Variants in LMBR1 observed in about 807,000 individuals in gnomAD.
LMBR1 encodes the protein limb development membrane protein 1.
Under a neutral mutation model 73.9 loss-of-function variants are expected in LMBR1, and 52 were observed. The observed-to-expected ratio is 0.70, with a 90% CI of 0.56 to 0.89. The LOEUF is 0.89. Ranked by LOEUF, LMBR1 falls within the 40% of genes least tolerant of loss-of-function variation. The pLI is 0.00. For synonymous variants in LMBR1, 215 were observed against 209.4 expected (o/e 1.03, Z -0.23); for missense variants, 539 against 579.8 (o/e 0.93, Z 0.72).
intron 4 of LMBR1, among the ~76,000 whole-genome samples, chr7:156,671,327 A>AGT (rs1316181124): frequency 6.6e-6 from 1 of 152,086 alleles, no homozygotes; most frequent in Admixed American, 6.6e-5. Context: ...AAACGCGAAC[A>AGT]GTGTGTGTGT....
At chr7:156,885,779 G>A (rs1159219611) in intron 1 of LMBR1, among the ~76,000 whole-genome samples, 1 of 152,156 alleles carries the variant, frequency 6.6e-6, no homozygotes, top group Non-Finnish European at 1.5e-5. Flanking sequence ...CTGGGAGGCT[G>A]AGGCAGGAGA....
At position 156,700,335 on chromosome 7, in the gene LMBR1, C is replaced by T. The variant is rs376369105; in HGVS notation, c.1226-12144G>A. ...CATGTTCTCACTCATAGGTGGGAAT[C>T]GAACAATGAGAACACATGGACACAG... On this transcript the variant is annotated intron_variant, in intron 15 of 16. Coordinates refer to ENST00000353442, the MANE Select transcript of LMBR1 (RefSeq NM_022458.4). 4.6e-5 allele frequency among the ~76,000 whole-genome samples: 7 copies of T among 151,850 alleles called. No individual in the cohort carries two copies. In the East Asian group the frequency reaches 7.8e-4, roughly 17 times the overall value.
rs1049562135 is a variant in LMBR1, at chr7:156,818,681, C to T, written c.319+7924G>A. On this transcript the variant is annotated intron_variant, in intron 4 of 16. Transcript: ENST00000353442. ...TGCAACCACCACCTTTACCTAACTC[C>T]GAAACATTTTTATCACCCCCAAAAG... 2.0e-5 allele frequency among the ~76,000 whole-genome samples: 3 copies of T among 152,064 alleles called. No individual in the cohort carries two copies. In the East Asian group the frequency reaches 5.8e-4, roughly 29 times the overall value.
intron 1 of LMBR1, among the ~76,000 whole-genome samples, chr7:156,848,062 C>G (rs79635933): frequency 6.8e-6 from 1 of 147,976 alleles, no homozygotes; most frequent in Non-Finnish European, 1.5e-5. Flanking sequence ...TCATTCAACA[C>G]TAAAAAAAAA....
intron 15 of LMBR1, among the ~76,000 whole-genome samples, chr7:156,710,315 A>G (rs1334220221): frequency 1.3e-5 from 2 of 152,224 alleles, no homozygotes; most frequent in Non-Finnish European, 2.9e-5. Context: ...AGAGAAATAG[A>G]TATCATAAAG....
intron 1 of LMBR1, among the ~76,000 whole-genome samples, chr7:156,857,101 AACC>A (rs1366892667): frequency 1.3e-5 from 2 of 152,174 alleles, no homozygotes; most frequent in African/African-American, 4.8e-5. Context: ...AGACCAAAAA[AACC>A]ACCAAGAACA....
intron 15 of LMBR1, among the ~76,000 whole-genome samples, chr7:156,707,947 C>A (rs1453899443): frequency 1.3e-5 from 2 of 151,596 alleles, no homozygotes; most frequent in African/African-American, 4.8e-5. Context: ...CTAATGGATC[C>A]CCCCACAAAA....
intron 15 of LMBR1, among the ~76,000 whole-genome samples, chr7:156,721,935 G>A (rs368948957): frequency 1.3e-5 from 2 of 151,996 alleles, no homozygotes; most frequent in African/African-American, 4.8e-5. Context: ...AGCCTGCGAT[G>A]CATCAACAAT....
At chr7:156,830,447 C>T in intron 3 of LMBR1, among the ~76,000 whole-genome samples, 1 of 152,082 alleles carries the variant, frequency 6.6e-6, no homozygotes, top group East Asian at 1.9e-4. Context: ...GGAAACAAGA[C>T]TTTATCATAG....
intron 5 of LMBR1, among the ~76,000 whole-genome samples, chr7:156,792,947 C>T (rs949343122): frequency 6.6e-6 from 1 of 151,984 alleles, no homozygotes; most frequent in African/African-American, 2.4e-5. Context: ...TTTACTTAAC[C>T]ATATTACAAG....
chr7:156,743,817 G>A (rs1411485264), intron 9 of LMBR1, among the ~76,000 whole-genome samples: 1 of 152,108 alleles, frequency 6.6e-6, no homozygotes, highest in Non-Finnish European at 1.5e-5. Context: ...ATGCTTTTCT[G>A]AGTAACTTAC....
chr7:156,743,502 G>C (rs571112599), intron 9 of LMBR1, among the ~76,000 whole-genome samples: 7 of 152,148 alleles, frequency 4.6e-5, no homozygotes, highest in African/African-American at 1.4e-4. Flanking sequence ...TTTAGACACA[G>C]AGCAAACTTC....
rs150942524 is a variant in LMBR1, at chr7:156,848,152, T to C, written c.67-11267A>G. Among the ~76,000 whole-genome samples the C allele has an allele frequency of 6.0e-3, 909 of 150,974 alleles. 6 individuals carry two copies. The highest frequency in any genetic ancestry group is 0.019 in the South Asian group (92 of 4,798). ...CTGGAAGAAAACCTAGGAAATACCATTCTGGACACAGGCCCTGACAAAGAC... is the reference window on the plus strand; with the variant it reads ...CTGGAAGAAAACCTAGGAAATACCACTCTGGACACAGGCCCTGACAAAGAC... On this transcript the variant is annotated intron_variant, in intron 1 of 16. Transcript: ENST00000353442.
At chr7:156,888,680 G>C (rs977927122) in intron 1 of LMBR1, among the ~76,000 whole-genome samples, 3 of 152,186 alleles carry the variant, frequency 2.0e-5, no homozygotes, top group Non-Finnish European at 4.4e-5. Flanking sequence ...CACTTTGGGA[G>C]GCCAGGGTGG....
intron 5 of LMBR1, among the ~76,000 whole-genome samples, chr7:156,770,870 C>T (rs781104322): frequency 8.6e-5 from 13 of 152,014 alleles, no homozygotes; most frequent in Non-Finnish European, 7.4e-5. Flanking sequence ...GCTATGATCG[C>T]GCTAGTGCAC....
At chr7:156,885,055 G>T (rs1801661414) in intron 1 of LMBR1, among the ~76,000 whole-genome samples, 2 of 152,166 alleles carry the variant, frequency 1.3e-5, no homozygotes, top group Non-Finnish European at 2.9e-5. Context: ...TCTCTGTTGT[G>T]TAAGTCCCAG....
intron 4 of LMBR1, among the ~76,000 whole-genome samples, chr7:156,814,551 T>C (rs1833607107): frequency 6.6e-6 from 1 of 152,234 alleles, no homozygotes; most frequent in South Asian, 2.1e-4. Context: ...ATATTGAATA[T>C]ATTAGATCTA....
intron 1 of LMBR1, 66 bp from the exon 2 acceptor site, chr7:156,836,951 A>G (rs1363692290): frequency 2.3e-5 from 22 of 944,358 alleles, no homozygotes; most frequent in Non-Finnish European, 3.2e-5. Context: ...ACTAGAAGAT[A>G]TATCTGTGAT....
At chr7:156,892,133 C>A (rs767296030) in intron 1 of LMBR1, among the ~76,000 whole-genome samples, 10 of 152,340 alleles carry the variant, frequency 6.6e-5, no homozygotes, top group Non-Finnish European at 1.3e-4. Context: ...CTGACTCCTG[C>A]CAACAGCACA....
Sources: gnomAD v4.1 joint callset for allele counts (sites outside exome capture counted in the v4.1 genomes callset) on GRCh38, gnomAD v4.1.1 for gene constraint, MANE v1.5 for transcripts, NCBI Gene and HGNC (gene_info 2026-07-23, HGNC 2026-07-21) for gene names.